FGGY: variants seen among roughly 807,000 people sequenced by gnomAD.
FGGY encodes FGGY carbohydrate kinase domain-containing protein.
Under a neutral mutation model 71.3 loss-of-function variants are expected in FGGY, and 72 were observed. The observed-to-expected ratio is 1.01, with a 90% CI of 0.84 to 1.23. The LOEUF (loss-of-function observed/expected upper bound fraction) is 1.23, where lower values mean the gene tolerates loss of function less well. Among genes scored for constraint, FGGY ranks in the 50% most tolerant of loss-of-function variants. The pLI, the probability that FGGY is intolerant of heterozygous loss-of-function variation, is 0.00. For synonymous variants in FGGY, 251 were observed against 250.3 expected, an observed-to-expected ratio of 1.00 and a Z score of -0.02; for missense variants, 668 against 682.3, an observed-to-expected ratio of 0.98 and a Z score of 0.23.
At chr1:59,399,545 C>A (rs1249487358) in intron 5 of FGGY, among the ~76,000 whole-genome samples, 1 of 152,160 alleles carries the variant, frequency 6.6e-6, no homozygotes, top group Non-Finnish European at 1.5e-5. Context: ...TTAGGTTCCC[C>A]TGAACCACAG....
At chr1:59,408,101 T>A (rs1473401864) in intron 5 of FGGY, among the ~76,000 whole-genome samples, 1 of 152,224 alleles carries the variant, frequency 6.6e-6, no homozygotes, top group Non-Finnish European at 1.5e-5. Context: ...GGTGTCATGA[T>A]GGAGAAAAAC....
intron 14 of FGGY, among the ~76,000 whole-genome samples, chr1:59,707,026 A>G (rs374250372): frequency 6.6e-6 from 1 of 152,198 alleles, no homozygotes; most frequent in Non-Finnish European, 1.5e-5. Context: ...CTCTGGGGAT[A>G]TAGCACAAGG....
chr1:59,508,826 G>C (rs2094453984), intron 6 of FGGY, among the ~76,000 whole-genome samples: 1 of 152,208 alleles, frequency 6.6e-6, no homozygotes, highest in Non-Finnish European at 1.5e-5. Context: ...CACTGCTGTA[G>C]GTTGGGTTTT....
intron 2 of FGGY, among the ~76,000 whole-genome samples, chr1:59,323,709 C>T (rs1187411840): frequency 6.6e-6 from 1 of 152,154 alleles, no homozygotes; most frequent in African/African-American, 2.4e-5. Flanking sequence ...GTTTCCTTAT[C>T]TGTAAAATGG....
At chr1:59,728,450 A>G (rs1311479302) in intron 14 of FGGY, among the ~76,000 whole-genome samples, 1 of 152,100 alleles carries the variant, frequency 6.6e-6, no homozygotes, top group Admixed American at 6.5e-5. Flanking sequence ...GAGTAAAAAG[A>G]TGAAATATTA....
chr1:59,533,053 C>T (rs901766957), intron 7 of FGGY, among the ~76,000 whole-genome samples: 6 of 152,210 alleles, frequency 3.9e-5, no homozygotes, highest in African/African-American at 1.2e-4. Flanking sequence ...CCAGCTTGAG[C>T]GACACAGCAG....
rs76708781 is a variant in FGGY, at chr1:59,697,332, G to A, written c.1512+23199G>A. ...ATCTTGCAAAACTGAAACTTTACCC[G>A]TTAAACAATAACTCTGCATTGCCCC... On this transcript the variant is annotated intron_variant, in intron 14 of 15. Transcript: ENST00000303721. Among the ~76,000 whole-genome samples, 409 of 152,106 alleles carry A rather than the reference G, an allele frequency of 2.7e-3. 3 individuals carry two copies. The highest frequency in any genetic ancestry group is 9.3e-3 in the African/African-American group (384 of 41,482).
At chr1:59,661,965 C>T (rs998693055) in intron 12 of FGGY, among the ~76,000 whole-genome samples, 3 of 149,642 alleles carry the variant, frequency 2.0e-5, no homozygotes, top group South Asian at 2.1e-4. Context: ...ATGATCCACC[C>T]GTCTCGGCCT....
intron 5 of FGGY, among the ~76,000 whole-genome samples, chr1:59,386,404 A>G (rs887134009): frequency 6.6e-6 from 1 of 152,120 alleles, no homozygotes; most frequent in Admixed American, 6.6e-5. Context: ...TTTCGGAGGA[A>G]GACCATAGAG....
intron 11 of FGGY, among the ~76,000 whole-genome samples, chr1:59,657,246 C>T (rs561662291): frequency 1.3e-5 from 2 of 152,194 alleles, no homozygotes; most frequent in Non-Finnish European, 2.9e-5. Context: ...CCACTCCCAA[C>T]AAAAATCATC....
At chr1:59,305,666 A>G (rs1467119360) in intron 1 of FGGY, among the ~76,000 whole-genome samples, 2 of 152,214 alleles carry the variant, frequency 1.3e-5, no homozygotes, top group Admixed American at 6.5e-5. Context: ...GGTAGAATTT[A>G]TACTCTACCC....
At chr1:59,405,673 G>GTTAA (rs1286208512) in intron 5 of FGGY, among the ~76,000 whole-genome samples, 1 of 152,144 alleles carries the variant, frequency 6.6e-6, no homozygotes, top group African/African-American at 2.4e-5. Flanking sequence ...TGGAATGTTA[G>GTTAA]ATACCTACTC....
chr1:59,439,636 G>A (rs1341806725), intron 5 of FGGY, among the ~76,000 whole-genome samples: 3 of 152,038 alleles, frequency 2.0e-5, no homozygotes, highest in African/African-American at 7.2e-5. Flanking sequence ...TCAGATGATC[G>A]AAACCCTCCC....
At chr1:59,654,746 C>T (rs1193612214) in intron 11 of FGGY, among the ~76,000 whole-genome samples, 1 of 152,080 alleles carries the variant, frequency 6.6e-6, no homozygotes, top group Non-Finnish European at 1.5e-5. Context: ...TGGACCCACA[C>T]CAAAGGTTCA....
intron 8 of FGGY, among the ~76,000 whole-genome samples, chr1:59,590,732 TCAA>T (rs1209292339): frequency 6.6e-6 from 1 of 152,160 alleles, no homozygotes; most frequent in African/African-American, 2.4e-5. Flanking sequence ...TTGACAAAAT[TCAA>T]CAACGCCTTA....
At chr1:59,404,028 A>T (rs1158489744) in intron 5 of FGGY, among the ~76,000 whole-genome samples, 1 of 152,220 alleles carries the variant, frequency 6.6e-6, no homozygotes, top group Non-Finnish European at 1.5e-5. Context: ...CATAATGATG[A>T]TGTTTAATTT....
intron 6 of FGGY, among the ~76,000 whole-genome samples, chr1:59,505,150 A>G (rs995752145): frequency 6.6e-6 from 1 of 152,222 alleles, no homozygotes; most frequent in African/African-American, 2.4e-5. Flanking sequence ...ATAACATTAT[A>G]TAAAACTCAG....
intron 5 of FGGY, among the ~76,000 whole-genome samples, chr1:59,419,285 G>A (rs896172707): frequency 6.6e-5 from 10 of 151,330 alleles, no homozygotes; most frequent in Non-Finnish European, 1.2e-4. Context: ...GAGGAAATGA[G>A]GCTAGAGGTA....
At chr1:59,673,042 A>T (rs2097396771) in intron 13 of FGGY, among the ~76,000 whole-genome samples, 1 of 152,122 alleles carries the variant, frequency 6.6e-6, no homozygotes. Flanking sequence ...AATGTAAGTG[A>T]CTCATCATTC....
Sources: gnomAD v4.1 joint callset for allele counts (sites outside exome capture counted in the v4.1 genomes callset) on GRCh38, gnomAD v4.1.1 for gene constraint, MANE v1.5 for transcripts, NCBI Gene and HGNC (gene_info 2026-07-23, HGNC 2026-07-21) for gene names.